The following NID2 variants were observed in gnomAD, a reference collection of about 807,000 sequenced individuals.
NID2 encodes nidogen-2.
A neutral mutation model predicts 145.4 loss-of-function variants in NID2; 83 were observed. That is an observed-to-expected ratio of 0.57 (90% CI 0.48 to 0.69). The LOEUF (loss-of-function observed/expected upper bound fraction) is 0.69. NID2 is among the 30% of genes least tolerant of loss of function. The probability of loss-of-function intolerance (pLI) is 0.00; values close to 1 mark genes in which losing one functional copy is unlikely to be tolerated. For missense variants in NID2, 1,807 were observed against 1,765.7 expected (o/e 1.02, Z -0.42); for synonymous variants, 739 against 701.3 (o/e 1.05, Z -0.85).
At chr14:52,013,471 T>G (rs927637056) in intron 16 of NID2, among the ~76,000 whole-genome samples, 2 of 152,168 alleles carry the variant, frequency 1.3e-5, no homozygotes, top group Non-Finnish European at 2.9e-5. Flanking sequence ...ACCAAATAAG[T>G]GTCGTTCATT....
Position 52,005,797 on chromosome 14 carries a change from G to A in NID2, c.4057C>T (p.Leu1353Phe). ...TAGAGGTGAGATCGTTGTTCTGGGA[G>A]ATACTCATCAGTAAACTGGCCACTA... Reference protein sequence around the residue: ...KHSGQFTDEYLPEQRSHLYGI... With the variant: ...KHSGQFTDEYFPEQRSHLYGI... The change falls in exon 21 of 22, where the codon CTC becomes TTC. Residue 1353 changes from leucine (L) to phenylalanine (F), a missense_variant. By Grantham distance (22) the Leu-to-Phe change is conservative. Transcript: ENST00000216286. 6.2e-7 allele frequency: 1 copy of A among 1,613,916 alleles called. No homozygotes were observed. Among genetic ancestry groups the A allele is most frequent in the Non-Finnish European group, 8.5e-7 (1 of 1,179,802 alleles).
intron 16 of NID2, among the ~76,000 whole-genome samples, chr14:52,013,845 C>T (rs1891116303): frequency 6.6e-6 from 1 of 152,210 alleles, no homozygotes; most frequent in Admixed American, 6.5e-5. Flanking sequence ...GTGAGACAGT[C>T]ATTAACTGAC....
At chr14:52,011,750 C>T (rs1055118474) in intron 16 of NID2, 67 bp from the exon 17 acceptor site, 112 of 1,582,252 alleles carry the variant, frequency 7.1e-5, no homozygotes, top group Non-Finnish European at 9.5e-5. Context: ...CACTCAGCTG[C>T]CTTGCTCATG....
intron 9 of NID2, among the ~76,000 whole-genome samples, chr14:52,037,856 T>C (rs1237929747): frequency 6.6e-6 from 1 of 152,238 alleles, no homozygotes; most frequent in Middle Eastern, 3.2e-3. Flanking sequence ...GTACAAGTAC[T>C]GCACTTCTTT....
intron 5 of NID2, among the ~76,000 whole-genome samples, chr14:52,050,100 A>G (rs973799169): frequency 6.6e-6 from 1 of 152,106 alleles, no homozygotes; most frequent in Non-Finnish European, 1.5e-5. Context: ...CTTCCTCCTA[A>G]CTCATCATGC....
chr14:52,066,321 C>CAAAA (rs34875276), intron 2 of NID2, among the ~76,000 whole-genome samples: 8 of 133,852 alleles, frequency 6.0e-5, no homozygotes, highest in African/African-American at 2.2e-4. Flanking sequence ...TAACGGGTAC[C>CAAAA]AAAAAAAAAA....
At chr14:52,014,916 T>C in intron 15 of NID2, 138 bp downstream of exon 15, 2 of 719,586 alleles carry the variant, frequency 2.8e-6, no homozygotes, top group Non-Finnish European at 4.6e-6. Context: ...GACCAGATTA[T>C]AAATCAACAT....
intron 5 of NID2, among the ~76,000 whole-genome samples, chr14:52,045,348 G>A (rs747425267): frequency 2.0e-5 from 3 of 152,190 alleles, no homozygotes; most frequent in Non-Finnish European, 4.4e-5. Flanking sequence ...GGGTTGGCAG[G>A]ACAGACAGTG....
intron 9 of NID2, among the ~76,000 whole-genome samples, chr14:52,029,941 G>T (rs1370326500): frequency 6.6e-6 from 1 of 152,118 alleles, no homozygotes; most frequent in Admixed American, 6.6e-5. Flanking sequence ...TGCATCCAGG[G>T]AATAAAAACG....
Position 52,042,196 on chromosome 14 carries a change from C to T in NID2, c.1734G>A (p.Gln578=), listed in dbSNP as rs201705482. The T allele has an allele frequency of 6.2e-7, 1 of 1,614,106 alleles. No homozygotes were observed. The highest frequency in any genetic ancestry group is 8.5e-7 in the Non-Finnish European group (1 of 1,180,044). ...AISHIPQPAA[Q]ALLPLTPIGG... ...CAATTGGTGTGAGGGGGAGGAGGGC[C>T]TGGGCTGCTGGCTGTGGGATGTGGC... The change falls in exon 7 of 22, where the codon CAG becomes CAA. Residue 578 remains glutamine, a synonymous_variant. Coordinates refer to ENST00000216286, the MANE Select transcript of NID2 (RefSeq NM_007361.4).
Position 52,068,859 on chromosome 14 carries a change from G to A in NID2, c.136C>T (p.Gln46Ter). Residue 46 changes from glutamine (Q) to a stop codon, truncating the protein, a stop_gained, in exon 1 of 22, where the codon CAG becomes TAG. Coordinates refer to ENST00000216286, the MANE Select transcript of NID2 (RefSeq NM_007361.4). LOFTEE classifies it high-confidence loss of function. ...TCGTCGTCGCCTTCCTGCAGGAGCTGGTCCCCCCACGACTCCCCGTGTGGG... is the reference window on the plus strand; with the variant it reads ...TCGTCGTCGCCTTCCTGCAGGAGCTAGTCCCCCCACGACTCCCCGTGTGGG... ...LFPHGESWGD[Q>*]LLQEGDDESS... The A allele has an allele frequency of 6.2e-7, 1 of 1,613,766 alleles. No homozygotes were observed. The highest frequency in any genetic ancestry group is 8.5e-7 in the Non-Finnish European group (1 of 1,180,032).
intron 15 of NID2, among the ~76,000 whole-genome samples, 189 bp downstream of exon 15, chr14:52,014,865 G>A (rs1415446274): frequency 6.6e-6 from 1 of 152,104 alleles, no homozygotes; most frequent in East Asian, 1.9e-4. Context: ...AGCTGCTAAT[G>A]ACAAAAACCA....
chr14:52,019,048 G>T lies in NID2; in HGVS notation c.3028+13C>A. 1 of 1,607,372 alleles carries T rather than the reference G, an allele frequency of 6.2e-7. No homozygotes were observed. The highest frequency in any genetic ancestry group is 8.5e-7 in the Non-Finnish European group (1 of 1,174,700). On this transcript the variant is annotated intron_variant, in intron 14 of 21. Transcript: ENST00000216286. Reference sequence around the variant, plus strand: ...GTGCCATTCTGCTTCTTGAGCCCCAGGCCTAAGCTCACCTGGTGATGGTCC... The same window carrying T: ...GTGCCATTCTGCTTCTTGAGCCCCATGCCTAAGCTCACCTGGTGATGGTCC...
chr14:52,068,480 T>C (rs1218975276), intron 1 of NID2, among the ~76,000 whole-genome samples: 1 of 152,228 alleles, frequency 6.6e-6, no homozygotes, highest in African/African-American at 2.4e-5. Flanking sequence ...CACAGCCTTC[T>C]CGCGGTCCTA....
chr14:52,042,066 G>A (rs1393670977), intron 7 of NID2, 39 bp downstream of exon 7: 1 of 1,541,840 alleles, frequency 6.5e-7, no homozygotes, highest in Non-Finnish European at 8.7e-7. Flanking sequence ...CACTGCCAAA[G>A]CAATGCTGAC....
At chr14:52,062,737 G>A (rs1595057904) in intron 2 of NID2, among the ~76,000 whole-genome samples, 3 of 152,218 alleles carry the variant, frequency 2.0e-5, no homozygotes, top group South Asian at 2.1e-4. Context: ...GGGAAGGGGG[G>A]AAGAGAGTAG....
intron 9 of NID2, among the ~76,000 whole-genome samples, chr14:52,036,361 G>C (rs1892069941): frequency 6.6e-6 from 1 of 152,036 alleles, no homozygotes; most frequent in Non-Finnish European, 1.5e-5. Context: ...CCTTTTTATG[G>C]TTGAATAATA....
intron 20 of NID2, 124 bp downstream of exon 20, chr14:52,006,413 T>G: frequency 1.0e-6 from 1 of 984,508 alleles, no homozygotes; most frequent in Non-Finnish European, 1.5e-6. Context: ...AATGAGGAGG[T>G]GATGAAACAA....
At chr14:52,019,929 A>G (rs1891340683) in intron 13 of NID2, 130 bp downstream of exon 13, 1 of 1,320,160 alleles carries the variant, frequency 7.6e-7, no homozygotes, top group African/African-American at 1.5e-5. Flanking sequence ...GTAACCAAGG[A>G]AAAAAATCCA....
Sources: gnomAD v4.1 joint callset for allele counts (sites outside exome capture counted in the v4.1 genomes callset) on GRCh38, gnomAD v4.1.1 for gene constraint, MANE v1.5 for transcripts, NCBI Gene and HGNC (gene_info 2026-07-23, HGNC 2026-07-21) for gene names.